Variants in COMMD1 observed in about 807,000 individuals in gnomAD.
The protein encoded by COMMD1 is copper metabolism domain containing 1.
A neutral mutation model predicts 17.2 loss-of-function variants in COMMD1; 10 were observed. The observed-to-expected ratio is 0.58, with a 90% confidence interval of 0.36 to 0.99. The LOEUF (loss-of-function observed/expected upper bound fraction) is 0.99. COMMD1 is among the 50% of genes least tolerant of loss of function. The pLI is 0.01. For missense variants in COMMD1, 270 were observed against 231.8 expected, an observed-to-expected ratio of 1.17 and a Z score of -1.07; for synonymous variants, 97 against 91.6, an observed-to-expected ratio of 1.06 and a Z score of -0.34.
chr2:62,120,372 ATTTG>A (rs978651279), intron 2 of COMMD1, among the ~76,000 whole-genome samples: 2 of 151,738 alleles, frequency 1.3e-5, no homozygotes, highest in Non-Finnish European at 1.5e-5. Context: ...TGTTTATCAA[ATTTG>A]TTTGCAAATG....
At chr2:61,995,996 T>G (rs1457403242) in intron 1 of COMMD1, among the ~76,000 whole-genome samples, 4 of 152,224 alleles carry the variant, frequency 2.6e-5, no homozygotes, top group Non-Finnish European at 5.9e-5. Flanking sequence ...TACTATACCA[T>G]ACCATATCAT....
chr2:61,911,841 C>T (rs148990753), intron 1 of COMMD1, among the ~76,000 whole-genome samples: 7 of 152,336 alleles, frequency 4.6e-5, no homozygotes, highest in Non-Finnish European at 8.8e-5. Flanking sequence ...CCCTAGGCCA[C>T]AGGTCCTTAC....
chr2:62,115,375 G>A (rs1416676935), intron 2 of COMMD1, among the ~76,000 whole-genome samples: 1 of 152,216 alleles, frequency 6.6e-6, no homozygotes, highest in Non-Finnish European at 1.5e-5. Context: ...GGAGGGAGAG[G>A]CCTGTTTGGC....
intron 1 of COMMD1, among the ~76,000 whole-genome samples, chr2:61,993,222 A>G (rs1187940219): frequency 6.6e-6 from 1 of 152,234 alleles, no homozygotes; most frequent in East Asian, 1.9e-4. Context: ...GTTTAGGTTC[A>G]AGATAGTGAG....
At chr2:61,903,249 G>C (rs1669697045), upstream of COMMD1, among the ~76,000 whole-genome samples, 1 of 152,076 alleles carries the variant, frequency 6.6e-6, no homozygotes, top group Admixed American at 6.6e-5. Context: ...TTTGAGACCA[G>C]CCTGGCCAAC....
At chr2:61,915,815 CTT>C (rs1302824744) in intron 1 of COMMD1, 1 of 347,806 alleles carries the variant, frequency 2.9e-6, no homozygotes, top group Non-Finnish European at 5.6e-6. Context: ...CTTTATTTAA[CTT>C]ATTTATTTTA....
rs148912611 is a variant in COMMD1 at position 61,972,901 on chromosome 2, C to G, written c.181-27800C>G. 8.0e-3 allele frequency among the ~76,000 whole-genome samples: 1,223 copies of G among 152,248 alleles called. 17 individuals carry two copies. Among genetic ancestry groups the G allele is most frequent in the African/African-American group, 0.028 (1,157 of 41,546 alleles). On this transcript the variant is annotated intron_variant, in intron 1 of 2. Coordinates refer to ENST00000311832, the MANE Select transcript of COMMD1 (RefSeq NM_152516.4). Reference sequence around the variant, plus strand: ...GGCCAGGCTGGTCCCAAACTCCTAACCTCAAGTGATCCGCCCGCTTCGGCC... The same window carrying G: ...GGCCAGGCTGGTCCCAAACTCCTAAGCTCAAGTGATCCGCCCGCTTCGGCC...
chr2:61,984,685 T>G, intron 1 of COMMD1, among the ~76,000 whole-genome samples: 1 of 152,232 alleles, frequency 6.6e-6, no homozygotes, highest in Admixed American at 6.5e-5. Context: ...TGGTCTATAG[T>G]GCAGATGAAG....
chr2:61,955,783 T>A (rs1173876179), intron 1 of COMMD1, among the ~76,000 whole-genome samples: 1 of 152,178 alleles, frequency 6.6e-6, no homozygotes, highest in African/African-American at 2.4e-5. Context: ...CCTCCTGGGT[T>A]CAAGTGATTC....
chr2:61,980,970 C>T (rs1320682129), intron 1 of COMMD1, among the ~76,000 whole-genome samples: 2 of 152,022 alleles, frequency 1.3e-5, no homozygotes. Flanking sequence ...AATGTCTGTT[C>T]AGCTTTTTTT....
chr2:62,094,990 AC>A (rs1671961045), intron 2 of COMMD1, among the ~76,000 whole-genome samples: 1 of 152,212 alleles, frequency 6.6e-6, no homozygotes, highest in African/African-American at 2.4e-5. Context: ...TATTGCCACC[AC>A]TCCATAGTCA....
chr2:62,092,600 T>C (rs529335698), intron 2 of COMMD1, among the ~76,000 whole-genome samples: 14 of 152,312 alleles, frequency 9.2e-5, no homozygotes, highest in Admixed American at 1.3e-4. Flanking sequence ...AATCCTTCAG[T>C]TGAAGTCTTT....
Position 61,905,729 on chromosome 2 carries a change from T to G in COMMD1, c.51T>G (p.Asn17Lys). The G allele has an allele frequency of 6.2e-7, 1 of 1,611,112 alleles. No homozygotes were observed. Among genetic ancestry groups the G allele is most frequent in the Non-Finnish European group, 8.5e-7 (1 of 1,178,406 alleles). The change falls in exon 1 of 3, where the codon AAT becomes AAG. Residue 17 changes from asparagine to lysine, a missense_variant. By Grantham distance (94) the Asn-to-Lys change is moderately conservative. Coordinates refer to ENST00000311832, the MANE Select transcript of COMMD1 (RefSeq NM_152516.4). ...GCAAACCCCTGAGCGGGCTGCTGAATGCGCTGGCCCAGGACACTTTCCACG... is the reference window on the plus strand; with the variant it reads ...GCAAACCCCTGAGCGGGCTGCTGAAGGCGCTGGCCCAGGACACTTTCCACG... Reference protein sequence around the residue: ...EGGKPLSGLLNALAQDTFHGY... With the variant: ...EGGKPLSGLLKALAQDTFHGY...
chr2:62,076,150 T>C (rs1671331847), intron 2 of COMMD1, among the ~76,000 whole-genome samples: 1 of 152,260 alleles, frequency 6.6e-6, no homozygotes, highest in Non-Finnish European at 1.5e-5. Context: ...CATCCTTTCA[T>C]CCCTTAACAG....
chr2:62,009,780 C>G (rs1225208625), intron 2 of COMMD1, among the ~76,000 whole-genome samples: 19 of 151,282 alleles, frequency 1.3e-4, no homozygotes, highest in Admixed American at 1.3e-3. Context: ...AATGTTTTAA[C>G]AAAGTAAAAT....
rs905199629 is a variant in COMMD1 at position 62,020,511 on chromosome 2, A to G, written c.462+19529A>G. On this transcript the variant is annotated intron_variant, in intron 2 of 2. Coordinates refer to ENST00000311832, the MANE Select transcript of COMMD1 (RefSeq NM_152516.4). ...GTCCAAGGCCCTCTTTTCATTTTGT[A>G]CTATTTCTGTCTCTTTCAGTCGAAA... Among the ~76,000 whole-genome samples, 7 of 152,186 alleles carry G rather than the reference A, an allele frequency of 4.6e-5. No individual in the cohort carries two copies. In the East Asian group the frequency reaches 9.7e-4, roughly 21 times the overall value.
intron 1 of COMMD1, among the ~76,000 whole-genome samples, chr2:61,975,007 A>G (rs918370457): frequency 2.0e-5 from 3 of 151,618 alleles, no homozygotes; most frequent in Non-Finnish European, 2.9e-5. Context: ...TTAGATTGTC[A>G]TCTAGGTGGA....
intron 1 of COMMD1, among the ~76,000 whole-genome samples, chr2:61,986,844 C>T (rs1672119418): frequency 6.6e-6 from 1 of 152,114 alleles, no homozygotes; most frequent in African/African-American, 2.4e-5. Flanking sequence ...GCTAGGATTA[C>T]AGGTATGAGC....
At chr2:62,008,279 T>C (rs1018440617) in intron 2 of COMMD1, among the ~76,000 whole-genome samples, 2 of 152,158 alleles carry the variant, frequency 1.3e-5, no homozygotes, top group Admixed American at 6.6e-5. Flanking sequence ...ACCACAGCTA[T>C]CTGCTTTGTG....
Sources: gnomAD v4.1 joint callset for allele counts (sites outside exome capture counted in the v4.1 genomes callset) on GRCh38, gnomAD v4.1.1 for gene constraint, MANE v1.5 for transcripts, NCBI Gene and HGNC (gene_info 2026-07-23, HGNC 2026-07-21) for gene names.